Variants in LRP1B observed in about 807,000 individuals in gnomAD.
The protein encoded by LRP1B is low-density lipoprotein receptor-related protein 1B.
A neutral mutation model predicts 556.6 loss-of-function variants in LRP1B; 217 were observed. That is an observed-to-expected ratio of 0.39 (90% CI 0.35 to 0.44). The LOEUF (loss-of-function observed/expected upper bound fraction) is 0.44, where lower values mean the gene tolerates loss of function less well. Ranked by LOEUF, LRP1B falls within the 20% of genes least tolerant of loss-of-function variation. The pLI is 1.00. For synonymous variants in LRP1B, 2,047 were observed against 1,865.8 expected (o/e 1.10, Z -2.50); for missense variants, 5,053 against 5,620.8 (o/e 0.90, Z 3.23).
chr2:140,937,411 C>T (rs1404488320), intron 20 of LRP1B, among the ~76,000 whole-genome samples: 2 of 151,978 alleles, frequency 1.3e-5, no homozygotes, highest in East Asian at 3.9e-4. Context: ...AGCATAGACA[C>T]AAAAAGTAGA....
intron 41 of LRP1B, among the ~76,000 whole-genome samples, chr2:140,691,209 C>A (rs1023679640): frequency 6.6e-6 from 1 of 152,000 alleles, no homozygotes; most frequent in Non-Finnish European, 1.5e-5. Context: ...CGGTGGCTCA[C>A]GCCTGTAATA....
chr2:140,965,307 A>G (rs1402605751), intron 18 of LRP1B, among the ~76,000 whole-genome samples: 1 of 151,910 alleles, frequency 6.6e-6, no homozygotes. Context: ...CTATGCACAG[A>G]TCTACAGAAG....
At chr2:141,192,933 A>G (rs892511659) in intron 6 of LRP1B, among the ~76,000 whole-genome samples, 1 of 152,072 alleles carries the variant, frequency 6.6e-6, no homozygotes, top group South Asian at 2.1e-4. Flanking sequence ...TGAAACATTC[A>G]GAAAAGAGTT....
At chr2:142,100,202 G>A (rs1706523234) in intron 1 of LRP1B, among the ~76,000 whole-genome samples, 1 of 151,970 alleles carries the variant, frequency 6.6e-6, no homozygotes, top group African/African-American at 2.4e-5. Flanking sequence ...GGAAGGAAGT[G>A]TAGGGTTTGT....
intron 51 of LRP1B, among the ~76,000 whole-genome samples, chr2:140,511,290 G>GCCT (rs1574022084): frequency 1.2e-5 from 1 of 82,622 alleles, no homozygotes; most frequent in Non-Finnish European, 2.3e-5. Flanking sequence ...TCCTCTAAGG[G>GCCT]TCTTTTTTTT....
chr2:141,115,892 T>C (rs1700886398), intron 7 of LRP1B, among the ~76,000 whole-genome samples: 1 of 152,282 alleles, frequency 6.6e-6, no homozygotes, highest in African/African-American at 2.4e-5. Flanking sequence ...AATGGGTTGA[T>C]TCACAGTCTT....
At chr2:140,901,934 T>C (rs1284151896) in intron 23 of LRP1B, among the ~76,000 whole-genome samples, 2 of 152,136 alleles carry the variant, frequency 1.3e-5, no homozygotes, top group African/African-American at 4.8e-5. Context: ...GTGGGTCTAA[T>C]GGATCCCATT....
chr2:140,617,050 A>G (rs1305311261), intron 41 of LRP1B, among the ~76,000 whole-genome samples: 4 of 151,842 alleles, frequency 2.6e-5, no homozygotes, highest in Admixed American at 6.6e-5. Context: ...TGATGTGGGG[A>G]CTCGGGTGTC....
At chr2:141,252,256 A>G (rs1684291599) in intron 4 of LRP1B, among the ~76,000 whole-genome samples, 1 of 152,002 alleles carries the variant, frequency 6.6e-6, no homozygotes, top group Non-Finnish European at 1.5e-5. Context: ...AATGGCAAAT[A>G]AAGGAAAACA....
At chr2:140,324,677 GAATA>G (rs1008753496) in intron 80 of LRP1B, among the ~76,000 whole-genome samples, 4 of 151,850 alleles carry the variant, frequency 2.6e-5, no homozygotes, top group Non-Finnish European at 5.9e-5. Context: ...AGATTTTATA[GAATA>G]ATTATTCTAA....
At chr2:141,760,541 T>C (rs570112181) in intron 2 of LRP1B, among the ~76,000 whole-genome samples, 22 of 152,336 alleles carry the variant, frequency 1.4e-4, no homozygotes, top group African/African-American at 3.1e-4. Flanking sequence ...TAAAAGAGCA[T>C]TGAGACAGCA....
chr2:140,775,341 G>C (rs1452977502), intron 33 of LRP1B, among the ~76,000 whole-genome samples: 1 of 151,642 alleles, frequency 6.6e-6, no homozygotes, highest in Non-Finnish European at 1.5e-5. Flanking sequence ...AAATCCTTTA[G>C]ATGAAAATCC....
At chr2:141,408,179 A>C (rs1430837144) in intron 3 of LRP1B, among the ~76,000 whole-genome samples, 1 of 132,110 alleles carries the variant, frequency 7.6e-6, no homozygotes, top group South Asian at 2.3e-4. Context: ...GTCTCATACT[A>C]TCACCCAGGC....
chr2:141,122,757 C>A (rs938564107), intron 7 of LRP1B, among the ~76,000 whole-genome samples: 14 of 152,160 alleles, frequency 9.2e-5, no homozygotes, highest in Non-Finnish European at 1.6e-4. Context: ...TGGGCATATA[C>A]CTAAAGGTTT....
intron 7 of LRP1B, among the ~76,000 whole-genome samples, chr2:141,125,851 A>AAAAAC (rs1558878109): frequency 1.4e-5 from 2 of 147,860 alleles, no homozygotes; most frequent in African/African-American, 5.2e-5. Flanking sequence ...ATGCAAAAAA[A>AAAAAC]AAAAAAAAAA....
rs1689289189 is a variant in LRP1B, at chr2:140,770,939, T to C, written c.5568A>G (p.Thr1856=). 1 of 1,588,722 alleles carries C rather than the reference T, an allele frequency of 6.3e-7. No individual in the cohort carries two copies. The highest frequency in any genetic ancestry group is 8.5e-7 in the Non-Finnish European group (1 of 1,169,902). Residue 1856 remains threonine (T), a synonymous_variant, in exon 34 of 91, where the codon ACA becomes ACG. Transcript: ENST00000389484. ...SQLCLPTSET[T]RTCMCTVGYY... is the part of the protein sequence containing the mutation. ...ATCCCACTGTACACATACAAGTCCT[T>C]GTAGTTTCAGATGTTGGTAAACAAA...
intron 2 of LRP1B, among the ~76,000 whole-genome samples, chr2:141,785,349 A>G (rs1326448937): frequency 6.6e-6 from 1 of 151,966 alleles, no homozygotes. Context: ...TGCAGCACTT[A>G]GTAATTGCAT....
chr2:141,388,877 T>C (rs1484161751), intron 3 of LRP1B, among the ~76,000 whole-genome samples: 4 of 151,862 alleles, frequency 2.6e-5, no homozygotes, highest in Admixed American at 1.3e-4. Context: ...ACAAAAATAA[T>C]TGAAAAAACT....
intron 2 of LRP1B, among the ~76,000 whole-genome samples, chr2:141,709,117 G>A (rs1470517353): frequency 2.0e-5 from 3 of 152,020 alleles, no homozygotes; most frequent in Admixed American, 6.6e-5. Context: ...TTGGGAGGCC[G>A]ACGCAGGCAG....
Sources: gnomAD v4.1 joint callset for allele counts (sites outside exome capture counted in the v4.1 genomes callset) on GRCh38, gnomAD v4.1.1 for gene constraint, MANE v1.5 for transcripts, NCBI Gene and HGNC (gene_info 2026-07-23, HGNC 2026-07-21) for gene names.